SYNE2: variants seen among roughly 807,000 people sequenced by gnomAD.
SYNE2 encodes spectrin repeat containing nuclear envelope protein 2, also known as nesprin-2.
Under a neutral mutation model 856.3 loss-of-function variants are expected in SYNE2, and 431 were observed. The ratio of observed to expected loss-of-function variants is 0.50; its 90% CI spans 0.47 to 0.55. The LOEUF is 0.55. Ranked by LOEUF, SYNE2 falls within the 20% of genes least tolerant of loss-of-function variation. The pLI is 0.00. For synonymous variants in SYNE2, 2,923 were observed against 2,872.3 expected (o/e 1.02, Z -0.56); for missense variants, 8,129 against 8,023.2 (o/e 1.01, Z -0.50).
intron 45 of SYNE2, among the ~76,000 whole-genome samples, chr14:64,038,491 G>A (rs1468106114): frequency 3.3e-5 from 5 of 152,226 alleles, no homozygotes; most frequent in Non-Finnish European, 2.9e-5. Flanking sequence ...CAAGGCAGGC[G>A]GCTGGGAGGT....
In SYNE2 at chr14:64,214,430, C is replaced by A; in HGVS notation, c.19293C>A (p.His6431Gln). Residue 6431 changes from histidine to glutamine, a missense_variant, in exon 106 of 116, where the codon CAC becomes CAA. By Grantham distance (24) the His-to-Gln change is conservative (BLOSUM62 0). Coordinates refer to ENST00000555002, the MANE Select transcript of SYNE2 (RefSeq NM_182914.3). Reference sequence around the variant, plus strand: ...GCGACGTGGGGGGCTCCTCCTCTCACGAAGAGGACGAGGAGGGCCCATACT... The same window carrying A: ...GCGACGTGGGGGGCTCCTCCTCTCAAGAAGAGGACGAGGAGGGCCCATACT... ...HTGDVGGSSSHEEDEEGPYYS... is the reference protein window; with the variant it reads ...HTGDVGGSSSQEEDEEGPYYS... 3 of 1,613,912 alleles carry A rather than the reference C, an allele frequency of 1.9e-6. No homozygotes were observed. Among genetic ancestry groups the A allele is most frequent in the Non-Finnish European group, 2.5e-6 (3 of 1,180,002 alleles).
intron 58 of SYNE2, among the ~76,000 whole-genome samples, chr14:64,089,366 C>A: frequency 1.7e-5 from 1 of 59,570 alleles, no homozygotes; most frequent in African/African-American, 7.7e-5. Context: ...AACTCCGTCT[C>A]AGGAAAAAAA....
chr14:64,179,620 T>C (rs1482878021), intron 96 of SYNE2, among the ~76,000 whole-genome samples: 1 of 152,250 alleles, frequency 6.6e-6, no homozygotes, highest in Non-Finnish European at 1.5e-5. Context: ...CCAGCAGCTG[T>C]GAGATAGTAT....
intron 2 of SYNE2, among the ~76,000 whole-genome samples, chr14:63,933,267 A>C (rs28361911): frequency 1.3e-5 from 2 of 152,138 alleles, no homozygotes; most frequent in Admixed American, 1.3e-4. Flanking sequence ...CTGAACTCTT[A>C]CTACCAGGGA....
In SYNE2 at chr14:64,007,119, A is replaced by G. The variant is rs759496296; in HGVS notation, c.4474A>G (p.Asn1492Asp). The G allele has an allele frequency of 5.6e-6, 9 of 1,613,494 alleles. No homozygotes were observed. The highest frequency in any genetic ancestry group is 3.3e-4 in the Middle Eastern group (2 of 6,062). Residue 1492 changes from asparagine (N) to aspartate (D), a missense_variant, in exon 31 of 116, where the codon AAT becomes GAT. Coordinates refer to ENST00000555002, the MANE Select transcript of SYNE2 (RefSeq NM_182914.3). ...GAAGAGACATTTACAAGAAATGGCT[A>G]ATTCTCTTCCACACTTCAAAGATGG... ...EEKRHLQEMA[N>D]SLPHFKDGRE... is the part of the protein sequence containing the mutation.
chr14:63,783,730 T>C (rs1887413885), intron 1 of SYNE2, among the ~76,000 whole-genome samples: 1 of 152,100 alleles, frequency 6.6e-6, no homozygotes. Context: ...AAGATTGCCT[T>C]TATAACTGCC....
At chr14:63,870,316 C>A (rs1276619292) in intron 1 of SYNE2, among the ~76,000 whole-genome samples, 1 of 149,092 alleles carries the variant, frequency 6.7e-6, no homozygotes, top group Admixed American at 6.8e-5. Flanking sequence ...CAAAATTAGC[C>A]CTAACTTCCC....
At chr14:63,948,145 A>G (rs921457367) in intron 6 of SYNE2, among the ~76,000 whole-genome samples, 1 of 132,134 alleles carries the variant, frequency 7.6e-6, no homozygotes, top group African/African-American at 2.9e-5. Context: ...GTGCGCGCAC[A>G]TACACACACA....
intron 1 of SYNE2, among the ~76,000 whole-genome samples, chr14:63,813,970 A>G (rs1404100643): frequency 6.6e-6 from 1 of 152,100 alleles, no homozygotes; most frequent in Non-Finnish European, 1.5e-5. Context: ...AGGCAGAAGA[A>G]TTGCTTGAAC....
At position 63,867,930 on chromosome 14, in the gene SYNE2, A is replaced by G. The variant is rs530535267; in HGVS notation, c.-52+14787A>G. On this transcript the variant is annotated intron_variant, in intron 1 of 115. Coordinates refer to ENST00000555002, the MANE Select transcript of SYNE2 (RefSeq NM_182914.3). ...GCTTTAATTAGCTAGACGTGGTGGC[A>G]TGAACCTGTGTTGGGAGACTAAGGT... 2.6e-5 allele frequency among the ~76,000 whole-genome samples: 4 copies of G among 152,238 alleles called. No individual in the cohort carries two copies. In the South Asian group the frequency reaches 8.3e-4, roughly 32 times the overall value.
At chr14:63,957,559 C>T (rs1056569801) in intron 8 of SYNE2, among the ~76,000 whole-genome samples, 1 of 152,036 alleles carries the variant, frequency 6.6e-6, no homozygotes, top group African/African-American at 2.4e-5. Context: ...TGAGCCACCA[C>T]TCCTGGCCCC....
chr14:64,098,576 C>T (rs551277100), intron 62 of SYNE2, 171 bp from the exon 63 acceptor site: 35 of 692,858 alleles, frequency 5.1e-5, no homozygotes, highest in Non-Finnish European at 6.2e-5. Context: ...TGACTGACTC[C>T]GGATATCTGG....
At chr14:63,903,895 G>T (rs1453423909) in intron 1 of SYNE2, among the ~76,000 whole-genome samples, 8 of 151,564 alleles carry the variant, frequency 5.3e-5, no homozygotes, top group Admixed American at 2.6e-4. Flanking sequence ...ACATGTGCAG[G>T]TTTGTAACAT....
At chr14:63,926,585 A>G (rs567797112) in intron 2 of SYNE2, among the ~76,000 whole-genome samples, 44 of 152,366 alleles carry the variant, frequency 2.9e-4, no homozygotes, top group African/African-American at 1.0e-3. Context: ...CTGTATTTAC[A>G]AAAGCAAGCA....
chr14:64,051,215 A>G (rs2097223046), intron 47 of SYNE2, among the ~76,000 whole-genome samples: 1 of 152,056 alleles, frequency 6.6e-6, no homozygotes, highest in Non-Finnish European at 1.5e-5. Flanking sequence ...ACCTTTATAC[A>G]AGTACTTTAC....
At chr14:64,044,443 T>G (rs749487226) in intron 45 of SYNE2, among the ~76,000 whole-genome samples, 3 of 152,176 alleles carry the variant, frequency 2.0e-5, no homozygotes, top group Non-Finnish European at 2.9e-5. Flanking sequence ...AGATTACACT[T>G]TTGACTGTGG....
intron 60 of SYNE2, 42 bp downstream of exon 60, chr14:64,091,090 G>A (rs776807450): frequency 6.9e-6 from 11 of 1,591,776 alleles, no homozygotes; most frequent in Admixed American, 1.7e-5. Context: ...GGATGAAAAT[G>A]TTCACCAAAA....
intron 1 of SYNE2, among the ~76,000 whole-genome samples, chr14:63,859,815 C>T (rs770469335): frequency 1.3e-5 from 2 of 152,210 alleles, no homozygotes; most frequent in East Asian, 1.9e-4. Context: ...GACTCTGCCT[C>T]GGGAAAAAGA....
chr14:63,962,016 TTATAA>T (rs1278658039), intron 9 of SYNE2, among the ~76,000 whole-genome samples: 2 of 151,674 alleles, frequency 1.3e-5, no homozygotes, highest in Non-Finnish European at 2.9e-5. Context: ...CAAATTTTTA[TTATAA>T]TATTCTATTT....
Sources: gnomAD v4.1 joint callset for allele counts (sites outside exome capture counted in the v4.1 genomes callset) on GRCh38, gnomAD v4.1.1 for gene constraint, MANE v1.5 for transcripts, NCBI Gene and HGNC (gene_info 2026-07-23, HGNC 2026-07-21) for gene names.